ALG13: variants seen among roughly 807,000 people sequenced by gnomAD.
The protein encoded by ALG13 is UDP-N-acetylglucosamine transferase subunit ALG13.
A neutral mutation model predicts 87.8 loss-of-function variants in ALG13; 11 were observed. That is an observed-to-expected ratio of 0.13 (90% CI 0.08 to 0.21). The LOEUF (loss-of-function observed/expected upper bound fraction) is 0.21. Among genes scored for constraint, ALG13 ranks in the 10% least tolerant of loss-of-function variants. The pLI is 1.00. For missense variants in ALG13, 756 were observed against 866.1 expected (o/e 0.87, Z 1.60); for synonymous variants, 320 against 306.3 (o/e 1.04, Z -0.47).
At chrX:111,752,932 G>C (rs1407492959) in intron 25 of ALG13, 102 bp downstream of exon 25, 2 of 556,146 alleles carry the variant, frequency 3.6e-6, no homozygotes, top group Non-Finnish European at 5.8e-6. Context: ...TCACTAAGGG[G>C]ACTAAACATT....
At chrX:111,727,131 T>C in intron 16 of ALG13, 76 bp downstream of exon 16, 1 of 1,130,184 alleles carries the variant, frequency 8.8e-7, no homozygotes, top group East Asian at 3.0e-5. Context: ...GAAGATAGAA[T>C]GCCATCAAGA....
chrX:111,738,973 A>G (rs902321349), intron 23 of ALG13, among the ~76,000 whole-genome samples: 1 of 112,290 alleles, frequency 8.9e-6, no homozygotes, highest in Non-Finnish European at 1.9e-5. Flanking sequence ...TGAAAAAACC[A>G]AAGTAAAGGA....
chrX:111,688,804 A>T (rs1166120965), intron 3 of ALG13: 1 of 743,067 alleles, frequency 1.3e-6, no homozygotes, highest in Non-Finnish European at 1.6e-6. Context: ...GCTTAAATAT[A>T]TGGTTTTAAA....
At chrX:111,725,540 T>C (rs758547799) in intron 15 of ALG13, among the ~76,000 whole-genome samples, 25 of 111,146 alleles carry the variant, frequency 2.2e-4, no homozygotes, top group South Asian at 1.1e-3. Context: ...AGATCTAGTA[T>C]TTGGTAGCAT....
chrX:111,708,487 C>A, intron 4 of ALG13, 94 bp downstream of exon 4: 1 of 1,048,827 alleles, frequency 9.5e-7, no homozygotes, highest in Non-Finnish European at 1.3e-6. Flanking sequence ...AAAAATTCCC[C>A]TGCTTTCTAG....
chrX:111,717,560 T>A (rs1258628809), intron 8 of ALG13, among the ~76,000 whole-genome samples: 20 of 106,882 alleles, frequency 1.9e-4, no homozygotes, highest in African/African-American at 6.5e-4. Flanking sequence ...TTTTTTTTTT[T>A]AGCAAATTTG....
chrX:111,706,364 T>G (rs1236066051), intron 3 of ALG13, among the ~76,000 whole-genome samples: 1 of 112,731 alleles, frequency 8.9e-6, no homozygotes, highest in Non-Finnish European at 1.9e-5. Context: ...CTCAGTGAAT[T>G]AGTGACCTTA....
At chrX:111,692,496 G>A (rs948556658) in intron 3 of ALG13, among the ~76,000 whole-genome samples, 1 of 111,136 alleles carries the variant, frequency 9.0e-6, no homozygotes, top group Admixed American at 9.6e-5. Flanking sequence ...CTGTCATCTT[G>A]TACACATTTA....
chrX:111,749,782 A>G (rs751297190), intron 24 of ALG13, among the ~76,000 whole-genome samples: 1 of 111,783 alleles, frequency 8.9e-6, no homozygotes, highest in East Asian at 2.8e-4. Context: ...TGTCCTGTAC[A>G]TAAAAATAAA....
intron 25 of ALG13, among the ~76,000 whole-genome samples, chrX:111,756,897 T>C (rs1945304128): frequency 8.9e-6 from 1 of 112,139 alleles, no homozygotes; most frequent in Non-Finnish European, 1.9e-5. Flanking sequence ...CCTTCTGTTA[T>C]GTTAGTTTAT....
chrX:111,686,196 G>A (rs1293133815), intron 3 of ALG13: 1 of 1,078,875 alleles, frequency 9.3e-7, no homozygotes, highest in Admixed American at 3.2e-5. Context: ...CCACTTGTTT[G>A]ACTTTAAAAC....
intron 26 of ALG13, among the ~76,000 whole-genome samples, chrX:111,758,239 A>G (rs1339914115): frequency 8.9e-6 from 1 of 112,236 alleles, no homozygotes; most frequent in Non-Finnish European, 1.9e-5. Context: ...TACTAAATGA[A>G]GTATAATGAT....
Position 111,718,867 on chromosome X carries a change from A to C in ALG13, c.1250+593A>C, listed in dbSNP as rs190822402. ...AACTGTTGAACAGCTCTAGTTGAACACTTTGGGTTTGAAATAATAAAGTAC... is the reference window on the plus strand; with the variant it reads ...AACTGTTGAACAGCTCTAGTTGAACCCTTTGGGTTTGAAATAATAAAGTAC... On this transcript the variant is annotated intron_variant, in intron 10 of 26. Transcript: ENST00000394780. Among the ~76,000 whole-genome samples, 4 of 111,647 alleles carry C rather than the reference A, an allele frequency of 3.6e-5. No homozygotes were observed. In the Admixed American group the frequency reaches 3.8e-4, roughly 11 times the overall value.
At chrX:111,695,522 TAAA>T (rs750000273) in intron 3 of ALG13, among the ~76,000 whole-genome samples, 5 of 92,587 alleles carry the variant, frequency 5.4e-5, no homozygotes, top group African/African-American at 1.2e-4. Context: ...AAACTCTGTT[TAAA>T]AAAAAAAAAA....
intron 6 of ALG13, 91 bp from the exon 7 acceptor site, chrX:111,712,393 G>A: frequency 4.0e-6 from 2 of 504,038 alleles, no homozygotes; most frequent in Admixed American, 3.2e-5. Flanking sequence ...ATCTAAAACA[G>A]TGCTAAGCAG....
At chrX:111,685,608 G>GT (rs1934730121) in intron 3 of ALG13, among the ~76,000 whole-genome samples, 1 of 112,206 alleles carries the variant, frequency 8.9e-6, no homozygotes, top group South Asian at 3.7e-4. Context: ...TGTTCTTATG[G>GT]TGCTTACATT....
intron 2 of ALG13, among the ~76,000 whole-genome samples, chrX:111,684,517 GTCTC>G (rs752027678): frequency 5.4e-5 from 6 of 110,729 alleles, no homozygotes; most frequent in Non-Finnish European, 1.1e-4. Flanking sequence ...TAGAGACAAG[GTCTC>G]TCTATGTTGC....
chrX:111,719,777 G>A (rs1301278374), intron 10 of ALG13, among the ~76,000 whole-genome samples: 1 of 111,930 alleles, frequency 8.9e-6, no homozygotes, highest in Admixed American at 9.5e-5. Context: ...CATTGCAGTG[G>A]TGAATATGGC....
intron 24 of ALG13, among the ~76,000 whole-genome samples, chrX:111,750,114 GT>G (rs1944583500): frequency 9.0e-6 from 1 of 111,443 alleles, no homozygotes; most frequent in Non-Finnish European, 1.9e-5. Context: ...TATGTAGCAG[GT>G]TTTTTTCTCC....
Sources: gnomAD v4.1 joint callset for allele counts (sites outside exome capture counted in the v4.1 genomes callset) on GRCh38, gnomAD v4.1.1 for gene constraint, MANE v1.5 for transcripts, NCBI Gene and HGNC (gene_info 2026-07-23, HGNC 2026-07-21) for gene names.